The following PHTF1 variants were observed in gnomAD, a reference collection of about 807,000 sequenced individuals.
The protein encoded by PHTF1 is putative homeodomain transcription factor 1, also known as protein PHTF1.
In PHTF1, 88 loss-of-function variants were observed where a neutral mutation model predicts 102.4. That is an observed-to-expected ratio of 0.86 (90% CI 0.72 to 1.03). The LOEUF is 1.03. PHTF1 is among the 50% of genes least tolerant of loss of function. The pLI is 0.00. For synonymous variants in PHTF1, 289 were observed against 305.2 expected, an observed-to-expected ratio of 0.95 and a Z score of 0.55; for missense variants, 814 against 909.5, an observed-to-expected ratio of 0.89 and a Z score of 1.35.
At chr1:113,733,981 C>T (rs890007814) in intron 5 of PHTF1, among the ~76,000 whole-genome samples, 2 of 152,086 alleles carry the variant, frequency 1.3e-5, no homozygotes, top group South Asian at 2.1e-4. Context: ...AAGAGGAGGC[C>T]GGGTGTAGTG....
Position 113,743,143 on chromosome 1 carries a change from TG to T in PHTF1, c.103-4345del, listed in dbSNP as rs1481603524. Among the ~76,000 whole-genome samples the T allele has an allele frequency of 4.6e-5, 7 of 152,366 alleles. No homozygotes were observed. In the East Asian group the frequency reaches 1.3e-3, roughly 29 times the overall value. On this transcript the variant is annotated intron_variant, in intron 3 of 18. Coordinates refer to ENST00000369604, the MANE Select transcript of PHTF1 (RefSeq NM_001323043.2). ...CTATGATAACTTAACCTTAGCTTAC[TG>T]TAATGTTTTTACTTTATAAGCTTTA...
chr1:113,720,357 A>G (rs1192686884), intron 7 of PHTF1, among the ~76,000 whole-genome samples: 1 of 152,144 alleles, frequency 6.6e-6, no homozygotes, highest in African/African-American at 2.4e-5. Flanking sequence ...GGAGACTTCA[A>G]CCTCATTTTC....
At chr1:113,743,234 T>G (rs1216811446) in intron 3 of PHTF1, among the ~76,000 whole-genome samples, 12 of 152,134 alleles carry the variant, frequency 7.9e-5, no homozygotes, top group Admixed American at 7.9e-4. Context: ...TCTTTATATC[T>G]TCATAAGCTT....
intron 6 of PHTF1, chr1:113,725,299 ATTG>A (rs1310860628): frequency 6.5e-6 from 1 of 153,564 alleles, no homozygotes; most frequent in Admixed American, 6.5e-5. Context: ...ATCACTTTTT[ATTG>A]ATATCCTAGA....
Position 113,707,687 on chromosome 1 carries a change from A to G in PHTF1, c.1270-965T>C, listed in dbSNP as rs1650422051. Among the ~76,000 whole-genome samples, 3 of 152,192 alleles carry G rather than the reference A, an allele frequency of 2.0e-5. No homozygotes were observed. In the South Asian group the frequency reaches 6.2e-4, roughly 32 times the overall value. On this transcript the variant is annotated intron_variant, in intron 11 of 18. Transcript: ENST00000369604. The stretch of plus-strand genomic sequence containing the variant: ...CTTGATTGATTCACTGACTTATACA[A>G]TTCATATTAAGCACCTACTATGTAT...
intron 3 of PHTF1, among the ~76,000 whole-genome samples, chr1:113,749,019 GTTA>G (rs1350205159): frequency 2.0e-5 from 3 of 152,128 alleles, no homozygotes; most frequent in African/African-American, 4.8e-5. Context: ...ACCTCACATG[GTTA>G]TTATTTGTGT....
At chr1:113,727,376 C>T (rs1005624531) in intron 5 of PHTF1, among the ~76,000 whole-genome samples, 6 of 152,034 alleles carry the variant, frequency 3.9e-5, no homozygotes, top group South Asian at 2.1e-4. Context: ...ATTTGTTCAC[C>T]GCTATATCTA....
intron 7 of PHTF1, among the ~76,000 whole-genome samples, chr1:113,720,943 A>G (rs1652830198): frequency 6.6e-6 from 1 of 152,202 alleles, no homozygotes; most frequent in Non-Finnish European, 1.5e-5. Context: ...ACAAAAAAAT[A>G]CAAAAAATTA....
chr1:113,724,672 T>C (rs1653540595), intron 7 of PHTF1, 87 bp downstream of exon 7: 2 of 1,007,016 alleles, frequency 2.0e-6, no homozygotes, highest in Non-Finnish European at 2.8e-6. Flanking sequence ...CCAAGATAAG[T>C]CTATACTACT....
chr1:113,755,134 GAT>G (rs1292201516), intron 3 of PHTF1, among the ~76,000 whole-genome samples: 2 of 151,602 alleles, frequency 1.3e-5, no homozygotes, highest in Non-Finnish European at 2.9e-5. Context: ...ACTGTGATAT[GAT>G]GTTAATATTT....
intron 5 of PHTF1, among the ~76,000 whole-genome samples, chr1:113,728,978 T>C (rs972841846): frequency 7.2e-5 from 11 of 152,184 alleles, no homozygotes; most frequent in Non-Finnish European, 1.3e-4. Flanking sequence ...CCCACATTTG[T>C]TGTAGCACTG....
chr1:113,706,651 A>C lies in PHTF1; in HGVS notation c.1341T>G (p.Asn447Lys). 1 of 1,611,328 alleles carries C rather than the reference A, an allele frequency of 6.2e-7. No individual in the cohort carries two copies. The highest frequency in any genetic ancestry group is 1.7e-5 in the Admixed American group (1 of 59,660). ...CAGACATATCCATCTTTTTGCACTC[A>C]TTCCCCTCCCAGATTATTGCACTAA... is the stretch of plus-strand genomic sequence containing the variant. ...DRVSAIIWEG[N>K]ECKKMDMSVL... Residue 447 changes from asparagine (N) to lysine (K), a missense_variant, in exon 12 of 19, where the codon AAT (asparagine) becomes AAG (lysine). By Grantham distance (94) the Asn-to-Lys change is moderately conservative. Transcript: ENST00000369604.
intron 2 of PHTF1, 55 bp downstream of exon 2, chr1:113,758,604 G>C: frequency 9.6e-7 from 1 of 1,037,974 alleles, no homozygotes; most frequent in Non-Finnish European, 1.4e-6. Flanking sequence ...TTATTTGTGG[G>C]AGCTTTTTGC....
chr1:113,705,847 T>C (rs1284478180), intron 13 of PHTF1, 43 bp downstream of exon 13: 3 of 1,504,470 alleles, frequency 2.0e-6, no homozygotes, highest in Admixed American at 1.8e-5. Context: ...TGGAATATCA[T>C]ATACAAAAAC....
At chr1:113,744,276 C>CA (rs1227386673) in intron 3 of PHTF1, among the ~76,000 whole-genome samples, 2 of 152,168 alleles carry the variant, frequency 1.3e-5, no homozygotes, top group African/African-American at 2.4e-5. Context: ...ATGAAGTCCC[C>CA]ACTTTTTGGA....
At chr1:113,701,827 A>T (rs1037594116) in intron 15 of PHTF1, among the ~76,000 whole-genome samples, 7 of 57,114 alleles carry the variant, frequency 1.2e-4, no homozygotes, top group Admixed American at 4.8e-4. Flanking sequence ...AATTCCTGGT[A>T]AAAAAAAAAA....
At position 113,738,853 on chromosome 1, in the gene PHTF1, T is replaced by G. The variant is rs531206226; in HGVS notation, c.103-54A>C. The G allele has an allele frequency of 7.1e-5, 88 of 1,244,268 alleles. 1 individual carries two copies. In the African/African-American group the frequency reaches 1.1e-3, roughly 16 times the overall value. The allele number at this position is 1,244,268 out of a possible 1,614,324, so 77.1% of individuals were successfully genotyped here. A position where few individuals can be genotyped will look rare whatever the true frequency, so the allele number is the denominator to read the frequency against. On this transcript the variant is annotated intron_variant, in intron 3 of 18. Coordinates refer to ENST00000369604, the MANE Select transcript of PHTF1 (RefSeq NM_001323043.2). ...CAGAAATAAAGAAAAGCCCTTTTAT[T>G]TATTTATTTATTTTTGAGACACAGT...
intron 7 of PHTF1, among the ~76,000 whole-genome samples, chr1:113,717,712 G>T (rs1263604177): frequency 1.3e-5 from 2 of 152,054 alleles, no homozygotes; most frequent in African/African-American, 4.8e-5. Context: ...CATGGTGGCG[G>T]GCAAGAGAAA....
intron 3 of PHTF1, among the ~76,000 whole-genome samples, chr1:113,751,787 C>T (rs1390243417): frequency 6.6e-6 from 1 of 152,192 alleles, no homozygotes; most frequent in African/African-American, 2.4e-5. Flanking sequence ...ACATATTTAA[C>T]ATTTTTAAAA....
Sources: allele counts gnomAD v4.1 joint callset (sites outside exome capture counted in the v4.1 genomes callset), GRCh38; gene constraint gnomAD v4.1.1; transcripts MANE v1.5; gene names NCBI Gene and HGNC (gene_info 2026-07-23, HGNC 2026-07-21).